The following DNAJB6 variants were observed in gnomAD, a reference collection of about 807,000 sequenced individuals.
DNAJB6 encodes the protein DnaJ heat shock protein family (Hsp40) member B6, also known as dnaJ homolog subfamily B member 6.
In DNAJB6, 16 loss-of-function variants were observed where a neutral mutation model predicts 42.7. The observed-to-expected ratio is 0.37, with a 90% CI of 0.25 to 0.57. The LOEUF (loss-of-function observed/expected upper bound fraction) is 0.57, where lower values mean the gene tolerates loss of function less well. DNAJB6 is among the 20% of genes least tolerant of loss of function. The pLI, the probability that DNAJB6 is intolerant of heterozygous loss-of-function variation, is 0.74. For synonymous variants in DNAJB6, 170 were observed against 163.5 expected (o/e 1.04, Z -0.30); for missense variants, 347 against 416.8 (o/e 0.83, Z 1.46).
chr7:157,401,816 G>A (rs1795530247), intron 8 of DNAJB6, among the ~76,000 whole-genome samples: 1 of 152,198 alleles, frequency 6.6e-6, no homozygotes, highest in South Asian at 2.1e-4. Flanking sequence ...CTCTGCAGCA[G>A]CGGCCCTCCT....
intron 8 of DNAJB6, among the ~76,000 whole-genome samples, chr7:157,387,433 G>A (rs1022534410): frequency 2.0e-5 from 3 of 152,162 alleles, no homozygotes; most frequent in Admixed American, 6.5e-5. Flanking sequence ...CATAGAGCGC[G>A]CTTTTGTTTA....
chr7:157,366,816 T>C (rs1264237298), intron 4 of DNAJB6, among the ~76,000 whole-genome samples: 1 of 152,240 alleles, frequency 6.6e-6, no homozygotes, highest in East Asian at 1.9e-4. Context: ...TGTGAACATA[T>C]ACCCTTAGAT....
chr7:157,374,153 G>A (rs1213082610), intron 5 of DNAJB6, among the ~76,000 whole-genome samples: 1 of 151,510 alleles, frequency 6.6e-6, no homozygotes, highest in Non-Finnish European at 1.5e-5. Context: ...GCATCCCCAC[G>A]CGCTCTTCCT....
At chr7:157,382,495 T>C (rs1800836665) in intron 6 of DNAJB6, 118 bp downstream of exon 6, 1 of 1,168,506 alleles carries the variant, frequency 8.6e-7, no homozygotes, top group Non-Finnish European at 1.2e-6. Context: ...TAGAATAGCA[T>C]TGTGGATTTG....
intron 1 of DNAJB6, among the ~76,000 whole-genome samples, chr7:157,342,280 A>G (rs911054514): frequency 4.2e-5 from 6 of 142,922 alleles, no homozygotes; most frequent in Non-Finnish European, 7.5e-5. Flanking sequence ...TGATTCTCCT[A>G]CCTCAGGCTC....
chr7:157,373,180 C>G (rs1022352809), intron 5 of DNAJB6, among the ~76,000 whole-genome samples: 1 of 152,214 alleles, frequency 6.6e-6, no homozygotes, highest in Non-Finnish European at 1.5e-5. Context: ...AGGTCACATT[C>G]ACAGGTACTG....
At position 157,400,303 on chromosome 7, in the gene DNAJB6, G is replaced by A. The variant is rs375096899; in HGVS notation, c.692-9492G>A. On this transcript the variant is annotated intron_variant, in intron 8 of 9. Transcript: ENST00000262177. ...CCCGGGTCCCCGCGCCTTCGTGTAC[G>A]CACTTGTACGTAGGGAGGTCTGAGC... is the stretch of plus-strand genomic sequence containing the variant. Among the ~76,000 whole-genome samples, 1,155 of 149,630 alleles carry A rather than the reference G, an allele frequency of 7.7e-3. 8 individuals are homozygous for A. The highest frequency in any genetic ancestry group is 0.011 in the Non-Finnish European group (717 of 67,638).
In DNAJB6 at chr7:157,355,439, C is replaced by A. The variant is rs931835644; in HGVS notation, c.-26-3108C>A. On this transcript the variant is annotated intron_variant, in intron 1 of 9. Transcript: ENST00000262177. Reference sequence around the variant, plus strand: ...CCTCCCAAAGTGGTGGGATTACAGGCGTGAGCCACCGCACCCGGCCAGCAT... The same window carrying A: ...CCTCCCAAAGTGGTGGGATTACAGGAGTGAGCCACCGCACCCGGCCAGCAT... Among the ~76,000 whole-genome samples, 11 of 152,308 alleles carry A rather than the reference C, an allele frequency of 7.2e-5. No individual in the cohort carries two copies. In the South Asian group the frequency reaches 2.3e-3, roughly 32 times the overall value.
intron 1 of DNAJB6, among the ~76,000 whole-genome samples, chr7:157,339,271 C>G (rs976526688): frequency 8.5e-6 from 1 of 117,256 alleles, no homozygotes; most frequent in Non-Finnish European, 1.8e-5. Context: ...GTGGAATGGT[C>G]TGTTTGCACC....
At chr7:157,387,766 A>G (rs1414480923) in intron 8 of DNAJB6, among the ~76,000 whole-genome samples, 1 of 152,056 alleles carries the variant, frequency 6.6e-6, no homozygotes, top group Non-Finnish European at 1.5e-5. Context: ...CTCCTAAGGA[A>G]TCTTTCTTGT....
intron 1 of DNAJB6, among the ~76,000 whole-genome samples, chr7:157,338,661 G>A (rs1008132502): frequency 4.6e-5 from 7 of 152,182 alleles, no homozygotes; most frequent in African/African-American, 2.4e-5. Context: ...CACTCCTGAG[G>A]GCCTTAAGCT....
chr7:157,404,505 T>C (rs1157800698), intron 8 of DNAJB6, among the ~76,000 whole-genome samples: 1 of 147,324 alleles, frequency 6.8e-6, no homozygotes, highest in Non-Finnish European at 1.5e-5. Flanking sequence ...GGGGTCTGTC[T>C]TTTTTCTTTT....
chr7:157,402,862 C>T (rs569082568), intron 8 of DNAJB6, among the ~76,000 whole-genome samples: 12 of 152,340 alleles, frequency 7.9e-5, no homozygotes, highest in Admixed American at 3.3e-4. Context: ...AGAAAGTCCA[C>T]GGAACCCCAC....
At chr7:157,381,649 A>G (rs1397064453) in intron 5 of DNAJB6, 1 of 152,058 alleles carries the variant, frequency 6.6e-6, no homozygotes, top group Admixed American at 6.6e-5. Flanking sequence ...CTAATCCTTA[A>G]AAGTTTTTTG....
rs1269199318 is a variant in DNAJB6 at position 157,357,248 on chromosome 7, TTCCTTCCTTCCTTCCG to T, written c.-26-1287_-26-1272del. Among the ~76,000 whole-genome samples the T allele has an allele frequency of 1.3e-3, 100 of 79,388 alleles. 5 individuals are homozygous for T. Among genetic ancestry groups the T allele is most frequent in the East Asian group, 0.01 (18 of 1,794 alleles). 52.1% of individuals were successfully genotyped at this position (79,388 alleles called of 152,430 possible). On this transcript the variant is annotated intron_variant, in intron 1 of 9. Transcript: ENST00000262177. ...CTTCCTTCCTTCCTTCCTTCCTTCC[TTCCTTCCTTCCTTCCG>T]TCCTTCCTTCCGTCCTTCCTTCCGT...
intron 8 of DNAJB6, among the ~76,000 whole-genome samples, chr7:157,401,879 C>T (rs765386369): frequency 6.6e-6 from 1 of 152,218 alleles, no homozygotes; most frequent in Non-Finnish European, 1.5e-5. Context: ...CAGCAGCGGG[C>T]TGGCGCCTGC....
chr7:157,406,069 A>G (rs1327172865), intron 8 of DNAJB6, among the ~76,000 whole-genome samples: 1 of 152,100 alleles, frequency 6.6e-6, no homozygotes, highest in Non-Finnish European at 1.5e-5. Context: ...AACAGATAGA[A>G]CCATCGAGGC....
At chr7:157,355,556 C>T (rs1034455305) in intron 1 of DNAJB6, among the ~76,000 whole-genome samples, 12 of 152,118 alleles carry the variant, frequency 7.9e-5, no homozygotes, top group African/African-American at 1.4e-4. Flanking sequence ...AGCTGGGAAA[C>T]GTCTGTGGGT....
chr7:157,346,395 A>G (rs1798690428), intron 1 of DNAJB6, among the ~76,000 whole-genome samples: 1 of 151,406 alleles, frequency 6.6e-6, no homozygotes, highest in African/African-American at 2.4e-5. Flanking sequence ...TATGTATCAA[A>G]TAATGCTAAT....
Sources: gnomAD v4.1 joint callset for allele counts (sites outside exome capture counted in the v4.1 genomes callset) on GRCh38, gnomAD v4.1.1 for gene constraint, MANE v1.5 for transcripts, NCBI Gene and HGNC (gene_info 2026-07-23, HGNC 2026-07-21) for gene names.